SPON1: variants seen among roughly 807,000 people sequenced by gnomAD.
The protein encoded by SPON1 is spondin 1.
In SPON1, 52 loss-of-function variants were observed where a neutral mutation model predicts 111.7. The ratio of observed to expected loss-of-function variants is 0.47; its 90% CI spans 0.37 to 0.59. The LOEUF is 0.59. Among genes scored for constraint, SPON1 ranks in the 20% least tolerant of loss-of-function variants. SPON1 has a pLI of 0.00. For missense variants in SPON1, 957 were observed against 1,068.5 expected (o/e 0.90, Z 1.46); for synonymous variants, 410 against 395.8 (o/e 1.04, Z -0.43).
chr11:14,141,955 G>A (rs1368356116), intron 6 of SPON1, among the ~76,000 whole-genome samples: 1 of 152,146 alleles, frequency 6.6e-6, no homozygotes, highest in Non-Finnish European at 1.5e-5. Context: ...ATGCTTATGA[G>A]AAGTAGTGAT....
At chr11:14,059,345 C>G (rs140756732) in intron 3 of SPON1, among the ~76,000 whole-genome samples, 1,974 of 152,192 alleles carry the variant, frequency 0.013, 21 homozygotes, top group Non-Finnish European at 0.021. Context: ...GTGAGCTGTT[C>G]GGGATGGAAA....
At position 14,254,509 on chromosome 11, in the gene SPON1, C is replaced by T. The variant is rs547857268; in HGVS notation, c.891-19C>T. 3.8e-6 allele frequency: 6 copies of T among 1,573,306 alleles called. No homozygotes were observed. In the African/African-American group the frequency reaches 6.8e-5, roughly 18 times the overall value. ...ACCCCCAGAACTCTAATATAATGGT[C>T]TCTGTATTTCGTTTCCAGGAGAGCA... is the stretch of plus-strand genomic sequence containing the variant. On this transcript the variant is annotated intron_variant, in intron 7 of 15. Coordinates refer to ENST00000576479, the MANE Select transcript of SPON1 (RefSeq NM_006108.4).
intron 2 of SPON1, among the ~76,000 whole-genome samples, chr11:14,028,857 A>G (rs547870267): frequency 3.9e-4 from 59 of 152,256 alleles, no homozygotes; most frequent in African/African-American, 1.4e-3. Context: ...GCTGGCTCCA[A>G]AGTCCACATC....
intron 7 of SPON1, among the ~76,000 whole-genome samples, chr11:14,253,856 G>A (rs782815527): frequency 2.0e-5 from 3 of 152,190 alleles, no homozygotes; most frequent in Non-Finnish European, 2.9e-5. Flanking sequence ...ACTGCCACCC[G>A]CTGTGTGCTT....
intron 5 of SPON1, among the ~76,000 whole-genome samples, chr11:14,088,610 T>G (rs1324949232): frequency 6.6e-6 from 1 of 151,998 alleles, no homozygotes; most frequent in East Asian, 1.9e-4. Flanking sequence ...TTATGTGTTT[T>G]GGGGTTGTTC....
chr11:14,081,501 G>A (rs1204712787), intron 5 of SPON1, among the ~76,000 whole-genome samples: 1 of 152,076 alleles, frequency 6.6e-6, no homozygotes, highest in African/African-American at 2.4e-5. Flanking sequence ...ACATTGAGAT[G>A]TAAGTAATGG....
intron 6 of SPON1, among the ~76,000 whole-genome samples, chr11:14,241,078 C>CAT (rs1474855036): frequency 1.3e-5 from 2 of 151,632 alleles, no homozygotes; most frequent in African/African-American, 2.4e-5. Flanking sequence ...AATGCCTGCA[C>CAT]ACACACACAC....
intron 1 of SPON1, among the ~76,000 whole-genome samples, chr11:13,969,215 CAAA>C (rs3047401): frequency 1.2e-4 from 13 of 106,950 alleles, no homozygotes; most frequent in African/African-American, 3.8e-4. Context: ...CCCATCTCTA[CAAA>C]AAAAAAAAAA....
intron 6 of SPON1, among the ~76,000 whole-genome samples, chr11:14,136,790 C>A (rs781965207): frequency 6.6e-6 from 1 of 152,162 alleles, no homozygotes; most frequent in Non-Finnish European, 1.5e-5. Context: ...GCTATTCATC[C>A]AAGATGAGCT....
intron 5 of SPON1, among the ~76,000 whole-genome samples, chr11:14,132,484 C>G (rs1470010162): frequency 2.0e-5 from 3 of 152,176 alleles, no homozygotes; most frequent in Admixed American, 2.0e-4. Context: ...TTGGAGTTAG[C>G]TGCTCCATCC....
intron 1 of SPON1, among the ~76,000 whole-genome samples, chr11:13,969,718 C>A (rs1284211608): frequency 1.3e-5 from 2 of 152,118 alleles, no homozygotes; most frequent in African/African-American, 4.8e-5. Flanking sequence ...TGAAATTATA[C>A]GTAAGATATA....
In SPON1 at chr11:14,256,679, A is replaced by G; in HGVS notation, c.1296A>G (p.Glu432=). 6.2e-7 allele frequency: 1 copy of G among 1,613,612 alleles called. No individual in the cohort carries two copies. Among genetic ancestry groups the G allele is most frequent in the Non-Finnish European group, 8.5e-7 (1 of 1,179,606 alleles). Residue 432 remains glutamate (E), a synonymous_variant, in exon 10 of 16, where the codon GAA becomes GAG. Transcript: ENST00000576479. The part of the protein sequence containing the change: ...VDDIVADLAP[E]EKDEDDTPET... ...ATATTGTAGCTGACCTGGCTCCAGA[A>G]GAGAAAGATGAAGGTACGTTGTTTT...
At chr11:14,001,373 G>A (rs1848317707) in intron 2 of SPON1, among the ~76,000 whole-genome samples, 1 of 152,136 alleles carries the variant, frequency 6.6e-6, no homozygotes, top group African/African-American at 2.4e-5. Flanking sequence ...TGAGGCATGG[G>A]AAGGGAAAAA....
At position 14,235,694 on chromosome 11, in the gene SPON1, A is replaced by G. The variant is rs1848856953; in HGVS notation, c.826-7638A>G. 1.3e-5 allele frequency among the ~76,000 whole-genome samples: 2 copies of G among 151,260 alleles called. 1 individual carries two copies. The highest frequency in any genetic ancestry group is 4.2e-4 in the South Asian group (2 of 4,788). ...ACCCTGCCTCAAAAAAAAAAAAAAA[A>G]AAAAAAAAAAAAAGTAAGCAAAATG... On this transcript the variant is annotated intron_variant, in intron 6 of 15. Transcript: ENST00000576479.
intron 5 of SPON1, among the ~76,000 whole-genome samples, chr11:14,097,159 T>C (rs1271599171): frequency 6.6e-6 from 1 of 152,184 alleles, no homozygotes; most frequent in African/African-American, 2.4e-5. Flanking sequence ...TCTTCTCTCT[T>C]TGCCAACACT....
At chr11:14,163,164 T>TA (rs1235465788) in intron 6 of SPON1, among the ~76,000 whole-genome samples, 3 of 152,188 alleles carry the variant, frequency 2.0e-5, no homozygotes, top group Non-Finnish European at 4.4e-5. Context: ...TGTTAACAAA[T>TA]ACCAGACTTC....
chr11:13,996,711 G>GTGTATATATA (rs535844829), intron 2 of SPON1, among the ~76,000 whole-genome samples: 2,744 of 145,192 alleles, frequency 0.019, 74 homozygotes, highest in African/African-American at 0.071. Context: ...ACCTATGTGT[G>GTGTATATATA]TATATATATA....
chr11:13,966,871 T>A (rs2133771934), intron 1 of SPON1, among the ~76,000 whole-genome samples: 1 of 152,320 alleles, frequency 6.6e-6, no homozygotes, highest in East Asian at 1.9e-4. Context: ...TTTCCCAGCA[T>A]TCCTGTGAGA....
At chr11:14,063,905 T>G (rs1554920134) in intron 3 of SPON1, among the ~76,000 whole-genome samples, 1 of 152,150 alleles carries the variant, frequency 6.6e-6, no homozygotes, top group African/African-American at 2.4e-5. Context: ...TAAACAGCCT[T>G]TATGCAGTGG....
Sources: gnomAD v4.1 joint callset for allele counts (sites outside exome capture counted in the v4.1 genomes callset) on GRCh38, gnomAD v4.1.1 for gene constraint, MANE v1.5 for transcripts, NCBI Gene and HGNC (gene_info 2026-07-23, HGNC 2026-07-21) for gene names.